The following FOXP2 variants were observed in gnomAD, a reference collection of about 807,000 sequenced individuals.
FOXP2 encodes forkhead box protein P2.
In FOXP2, 12 loss-of-function variants were observed where a neutral mutation model predicts 115.8. That is an observed-to-expected ratio of 0.10 (90% CI 0.07 to 0.17). The LOEUF is 0.17. FOXP2 is among the 10% of genes least tolerant of loss of function. FOXP2 has a pLI of 1.00. For missense variants in FOXP2, 629 were observed against 843.5 expected, an observed-to-expected ratio of 0.75 and a Z score of 3.15; for synonymous variants, 328 against 297.7, an observed-to-expected ratio of 1.10 and a Z score of -1.05.
intron 3 of FOXP2, among the ~76,000 whole-genome samples, chr7:114,553,298 A>G (rs1012246955): frequency 1.3e-5 from 2 of 152,184 alleles, no homozygotes; most frequent in African/African-American, 4.8e-5. Context: ...TGCATAATAT[A>G]CATGAAAATG....
chr7:114,102,479 A>C (rs955321379), intron 1 of FOXP2, among the ~76,000 whole-genome samples: 7 of 152,012 alleles, frequency 4.6e-5, no homozygotes, highest in African/African-American at 1.7e-4. Flanking sequence ...ACCTAAATGA[A>C]TGACTGTGCC....
chr7:114,144,506 T>C (rs1012167700), intron 1 of FOXP2, among the ~76,000 whole-genome samples: 24 of 152,138 alleles, frequency 1.6e-4, no homozygotes, highest in Admixed American at 1.4e-3. Flanking sequence ...TCCTAAGTAT[T>C]TAAACCTCAA....
intron 2 of FOXP2, among the ~76,000 whole-genome samples, chr7:114,356,679 G>A (rs372136267): frequency 2.1e-4 from 32 of 152,270 alleles, no homozygotes; most frequent in Middle Eastern, 6.8e-3. Context: ...GAGAGTAGTA[G>A]AGGAACATTT....
At chr7:114,463,603 T>C (rs1034148384) in intron 2 of FOXP2, among the ~76,000 whole-genome samples, 2 of 152,236 alleles carry the variant, frequency 1.3e-5, no homozygotes, top group African/African-American at 4.8e-5. Context: ...ATTTTATGTG[T>C]AATCATTTTA....
chr7:114,374,680 T>C (rs1477219658), intron 2 of FOXP2, among the ~76,000 whole-genome samples: 1 of 152,208 alleles, frequency 6.6e-6, no homozygotes, highest in Admixed American at 6.5e-5. Flanking sequence ...GCACTATTGT[T>C]TATCCCCCCC....
chr7:114,644,593 G>T, intron 7 of FOXP2, 92 bp from the exon 8 acceptor site: 2 of 1,049,614 alleles, frequency 1.9e-6, no homozygotes, highest in East Asian at 4.8e-5. Flanking sequence ...GTTTTGACCT[G>T]TTTGTCACTG....
intron 2 of FOXP2, among the ~76,000 whole-genome samples, chr7:114,307,915 T>C (rs1797055074): frequency 6.6e-6 from 1 of 152,134 alleles, no homozygotes; most frequent in Non-Finnish European, 1.5e-5. Context: ...ACAGGTCACA[T>C]TACCAGCTGC....
rs1799588145 is a variant in FOXP2, at chr7:114,540,228, G to T, written c.258+5522G>T. On this transcript the variant is annotated intron_variant, in intron 3 of 16. Transcript: ENST00000350908. Reference sequence around the variant, plus strand: ...TACTAGAGTGTTTTCCCCTGCTATAGGCTCCCACCACATATACACTTCACA... The same window carrying T: ...TACTAGAGTGTTTTCCCCTGCTATATGCTCCCACCACATATACACTTCACA... 2.0e-5 allele frequency among the ~76,000 whole-genome samples: 3 copies of T among 151,776 alleles called. No homozygotes were observed. The South Asian group carries it at 6.2e-4, about 31-fold the overall frequency.
intron 2 of FOXP2, among the ~76,000 whole-genome samples, chr7:114,478,851 A>C (rs894490018): frequency 2.6e-5 from 4 of 151,706 alleles, no homozygotes; most frequent in East Asian, 1.9e-4. Context: ...TCCATTTACA[A>C]AATTAAGTTA....
rs1017334360 is a variant in FOXP2 at position 114,269,919 on chromosome 7, T to A, written c.-101-18100T>A. Among the ~76,000 whole-genome samples the A allele has an allele frequency of 2.6e-5, 4 of 152,184 alleles. No individual in the cohort carries two copies. The South Asian group carries it at 8.3e-4, about 31-fold the overall frequency. ...TCTTCAAACAAATATTTAAAGTGCTTACTTTGTGCCAGGTGCTTTTCTTAA... is the reference window on the plus strand; with the variant it reads ...TCTTCAAACAAATATTTAAAGTGCTAACTTTGTGCCAGGTGCTTTTCTTAA... On this transcript the variant is annotated intron_variant, in intron 1 of 17. Transcript: ENST00000634411.
At chr7:114,560,424 A>G (rs1269194360) in intron 3 of FOXP2, among the ~76,000 whole-genome samples, 15 of 152,208 alleles carry the variant, frequency 9.9e-5, no homozygotes, top group East Asian at 5.8e-4. Context: ...TGGCCAACAT[A>G]GGGAAACCTA....
intron 1 of FOXP2, among the ~76,000 whole-genome samples, chr7:114,164,607 T>G (rs1421270406): frequency 6.6e-6 from 1 of 152,098 alleles, no homozygotes. Context: ...CCCAAACTGC[T>G]GGGATTACAG....
At chr7:114,363,744 T>C (rs1791809153) in intron 2 of FOXP2, among the ~76,000 whole-genome samples, 2 of 152,146 alleles carry the variant, frequency 1.3e-5, no homozygotes, top group South Asian at 4.1e-4. Flanking sequence ...GCTTGTAATG[T>C]TATCCTAAGA....
At chr7:114,203,341 AT>A (rs1794120983) in intron 1 of FOXP2, among the ~76,000 whole-genome samples, 2 of 151,264 alleles carry the variant, frequency 1.3e-5, no homozygotes, top group African/African-American at 4.9e-5. Context: ...ATCTTTTTTT[AT>A]TTTTTTTGGA....
At chr7:114,160,605 C>A (rs568302980), upstream of FOXP2, among the ~76,000 whole-genome samples, 52 of 152,152 alleles carry the variant, frequency 3.4e-4, 2 homozygotes, top group South Asian at 0.011. Flanking sequence ...TTGAGAGAAT[C>A]TGCAAATGAA....
intron 16 of FOXP2, chr7:114,670,047 GATT>G (rs1056077535): frequency 1.3e-5 from 2 of 151,902 alleles, no homozygotes; most frequent in African/African-American, 4.8e-5. Flanking sequence ...TCCCCTTTCT[GATT>G]ATTAGAGTCT....
At chr7:114,642,812 A>ATATATATATTTT (rs1308357594) in intron 7 of FOXP2, among the ~76,000 whole-genome samples, 189 bp downstream of exon 7, 1 of 72,438 alleles carries the variant, frequency 1.4e-5, no homozygotes, top group African/African-American at 7.1e-5. Flanking sequence ...ATATATATAT[A>ATATATATATTTT]TTTTTTTTTT....
At chr7:114,297,958 A>C (rs894534268) in intron 2 of FOXP2, among the ~76,000 whole-genome samples, 1 of 152,132 alleles carries the variant, frequency 6.6e-6, no homozygotes, top group East Asian at 1.9e-4. Flanking sequence ...ATTATATTCT[A>C]TACTTATTTC....
intron 16 of FOXP2, among the ~76,000 whole-genome samples, chr7:114,688,678 G>C (rs1585031235): frequency 6.6e-6 from 1 of 152,096 alleles, no homozygotes; most frequent in South Asian, 2.1e-4. Context: ...ATTCTTGTTA[G>C]TTGCCCACTT....
Sources: gnomAD v4.1 joint callset for allele counts (sites outside exome capture counted in the v4.1 genomes callset) on GRCh38, gnomAD v4.1.1 for gene constraint, MANE v1.5 for transcripts, NCBI Gene and HGNC (gene_info 2026-07-23, HGNC 2026-07-21) for gene names.